The following ST6GALNAC1 variants were observed in gnomAD, a reference collection of about 807,000 sequenced individuals.
ST6GALNAC1 encodes the protein alpha-N-acetylgalactosaminide alpha-2,6-sialyltransferase 1.
ST6GALNAC1 carries 45 observed loss-of-function variants against 56.8 expected under a neutral mutation model. The ratio of observed to expected loss-of-function variants is 0.79; its 90% CI spans 0.62 to 1.02. The LOEUF (loss-of-function observed/expected upper bound fraction) is 1.02, where lower values mean the gene tolerates loss of function less well. Ranked by LOEUF, ST6GALNAC1 falls within the 50% of genes least tolerant of loss-of-function variation. The pLI, the probability that ST6GALNAC1 is intolerant of heterozygous loss-of-function variation, is 0.00. For missense variants in ST6GALNAC1, 743 were observed against 754.8 expected (o/e 0.98, Z 0.18); for synonymous variants, 295 against 297.8 (o/e 0.99, Z 0.10).
rs1237012048 is a variant in ST6GALNAC1 at position 76,629,214 on chromosome 17, A to G, written c.629T>C (p.Val210Ala). The G allele has an allele frequency of 1.9e-6, 3 of 1,614,090 alleles. No individual in the cohort carries two copies. Among genetic ancestry groups the G allele is most frequent in the East Asian group, 2.2e-5 (1 of 44,874 alleles). Reference sequence around the variant, plus strand: ...TCCTTTCTGTCTCGTCCTTGTTGACACTGCTCCTGTGGGAGCCAGCATTCT... The same window carrying G: ...TCCTTTCTGTCTCGTCCTTGTTGACGCTGCTCCTGTGGGAGCCAGCATTCT... ...QHRMLAPTGA[V>A]STRTRQKGVT... The change falls in exon 2 of 9, where the codon GTG becomes GCG. Residue 210 changes from valine to alanine, a missense_variant. Physicochemically the swap from Val to Ala is moderately conservative, Grantham distance 64. Coordinates refer to ENST00000156626, the MANE Select transcript of ST6GALNAC1 (RefSeq NM_018414.5).
intron 1 of ST6GALNAC1, among the ~76,000 whole-genome samples, chr17:76,640,969 T>C (rs1005996504): frequency 6.6e-6 from 1 of 152,230 alleles, no homozygotes; most frequent in African/African-American, 2.4e-5. Context: ...TGGAATCCTT[T>C]AAAAATTAAT....
intron 1 of ST6GALNAC1, among the ~76,000 whole-genome samples, 191 bp from the exon 2 acceptor site, chr17:76,629,902 C>T (rs1249138134): frequency 6.6e-6 from 1 of 151,724 alleles, no homozygotes; most frequent in Non-Finnish European, 1.5e-5. Flanking sequence ...CCTGCCCCAC[C>T]CCCCTGAGTA....
chr17:76,625,816 T>C lies in ST6GALNAC1; in HGVS notation c.1605+3A>G. The C allele has an allele frequency of 1.3e-6, 2 of 1,530,870 alleles. No homozygotes were observed. Among genetic ancestry groups the C allele is most frequent in the Non-Finnish European group, 1.7e-6 (2 of 1,143,790 alleles). 94.8% of individuals were successfully genotyped at this position (1,530,870 alleles called of 1,614,324 possible). On this transcript the variant is annotated splice_donor_region_variant and intron_variant, in intron 8 of 8. Coordinates refer to ENST00000156626, the MANE Select transcript of ST6GALNAC1 (RefSeq NM_018414.5). ...TATTTCTGCAGCTGCAGTGGAGCCT[T>C]ACCTGGTCACAGAGCTGAAGGGCAG... is the stretch of plus-strand genomic sequence containing the variant.
At chr17:76,634,969 A>G (rs986583514) in intron 1 of ST6GALNAC1, among the ~76,000 whole-genome samples, 4 of 152,192 alleles carry the variant, frequency 2.6e-5, no homozygotes, top group African/African-American at 9.7e-5. Flanking sequence ...TGAATGCTTT[A>G]TTTTTACGAC....
chr17:76,637,232 C>A (rs533851515), intron 1 of ST6GALNAC1, among the ~76,000 whole-genome samples: 3 of 145,970 alleles, frequency 2.1e-5, no homozygotes, highest in Admixed American at 6.9e-5. Flanking sequence ...CCTGCCAAAT[C>A]CCCCTCTCCG....
At chr17:76,631,072 T>TGTGTGTGTGTGG (rs2075889900) in intron 1 of ST6GALNAC1, among the ~76,000 whole-genome samples, 1 of 48,248 alleles carries the variant, frequency 2.1e-5, no homozygotes, top group African/African-American at 1.1e-4. Flanking sequence ...TCTCTGTGTG[T>TGTGTGTGTGTGG]GTGTGTGTGT....
At chr17:76,624,306 A>G (rs997714740), downstream of ST6GALNAC1, among the ~76,000 whole-genome samples, 2 of 151,788 alleles carry the variant, frequency 1.3e-5, no homozygotes, top group African/African-American at 4.8e-5. Flanking sequence ...GCTGGAGTGC[A>G]GTGGTGTAAT....
Position 76,634,451 on chromosome 17 carries a change from G to A in ST6GALNAC1, c.132-4740C>T, listed in dbSNP as rs971122748. ...TCCTGTGCCCCACATTGTTAGCTGGGCCTGGAGTTCCCAAGACCCCCTTGG... is the reference window on the plus strand; with the variant it reads ...TCCTGTGCCCCACATTGTTAGCTGGACCTGGAGTTCCCAAGACCCCCTTGG... On this transcript the variant is annotated intron_variant, in intron 1 of 8. Transcript: ENST00000156626. Among the ~76,000 whole-genome samples, 7 of 152,116 alleles carry A rather than the reference G, an allele frequency of 4.6e-5. No individual in the cohort carries two copies. In the South Asian group the frequency reaches 1.4e-3, roughly 31 times the overall value.
In ST6GALNAC1 at chr17:76,625,268, A is replaced by G; in HGVS notation, c.*62T>C. ...CATGGGAAATGGCCAAAGAGTCTCA[A>G]GATTCCCACTGTATCCTGTGCCTTG... On this transcript the variant is annotated 3_prime_UTR_variant, in exon 9 of 9. Transcript: ENST00000156626. The G allele has an allele frequency of 6.4e-7, 1 of 1,558,318 alleles. No homozygotes were observed.
chr17:76,632,156 C>G lies in ST6GALNAC1; in HGVS notation c.132-2445G>C, dbSNP rs376363465. On this transcript the variant is annotated intron_variant, in intron 1 of 8. Coordinates refer to ENST00000156626, the MANE Select transcript of ST6GALNAC1 (RefSeq NM_018414.5). The stretch of plus-strand genomic sequence containing the variant: ...AGCCTCTTGGTGGATTCACCCTGAC[C>G]TCCACTTCCCAACCCCCAGCCTCAA... Among the ~76,000 whole-genome samples, 8 of 152,258 alleles carry G rather than the reference C, an allele frequency of 5.3e-5. No individual in the cohort carries two copies. The East Asian group carries it at 1.2e-3, about 22-fold the overall frequency.
In ST6GALNAC1 at chr17:76,625,352, C is replaced by T; in HGVS notation, c.1781G>A (p.Gly594Glu). ...IIRLYQRPGP[G>E]TAKAKN The stretch of plus-strand genomic sequence containing the variant: ...CGGTCAGTTCTTGGCTTTGGCAGTT[C>T]CGGGACCAGGACGCTGGTACAGCCG... Residue 594 changes from glycine to glutamate, a missense_variant, in exon 9 of 9, where the codon GGA (glycine) becomes GAA (glutamate). By Grantham distance (98) the Gly-to-Glu change is moderately conservative (BLOSUM62 -2). Transcript: ENST00000156626. 1 of 1,613,540 alleles carries T rather than the reference C, an allele frequency of 6.2e-7. No homozygotes were observed. Among genetic ancestry groups the T allele is most frequent in the South Asian group, 1.1e-5 (1 of 91,044 alleles).
chr17:76,620,818 C>G (rs940034958), downstream of ST6GALNAC1, among the ~76,000 whole-genome samples: 4 of 152,046 alleles, frequency 2.6e-5, no homozygotes, highest in Admixed American at 1.3e-4. Context: ...TGGTCTTGAA[C>G]TCCTAACCCC....
Position 76,635,997 on chromosome 17 carries a change from T to G in ST6GALNAC1, c.132-6286A>C, listed in dbSNP as rs143803463. ...TTACCTAAGCTGAGTCTTTTTCTCC[T>G]GAGTCTTCAGAAGTGAACTTTTATG... On this transcript the variant is annotated intron_variant, in intron 1 of 8. Transcript: ENST00000156626. 3.1e-3 allele frequency among the ~76,000 whole-genome samples: 471 copies of G among 152,322 alleles called. 3 individuals carry two copies. The highest frequency in any genetic ancestry group is 0.011 in the African/African-American group (450 of 41,566).
At chr17:76,617,781 A>G in the ST6GALNAC1 span, among the ~76,000 whole-genome samples, 358 of 152,180 alleles carry the variant, frequency 2.4e-3, 3 homozygotes, top group Middle Eastern at 6.8e-3. Context: ...AAAAAAAAAA[A>G]AAAGAAAGAA....
Position 76,625,358 on chromosome 17 carries a change from C to T in ST6GALNAC1, c.1775G>A (p.Gly592Asp). The T allele has an allele frequency of 9.9e-6, 16 of 1,613,736 alleles. No homozygotes were observed. The highest frequency in any genetic ancestry group is 1.4e-5 in the Non-Finnish European group (16 of 1,180,014). ...GTTCTTGGCTTTGGCAGTTCCGGGA[C>T]CAGGACGCTGGTACAGCCGGATTAT... is the stretch of plus-strand genomic sequence containing the variant. ...EGIIRLYQRP[G>D]PGTAKAKN The change falls in exon 9 of 9, where the codon GGT becomes GAT. Residue 592 changes from glycine (G) to aspartate (D), a missense_variant. Transcript: ENST00000156626.
chr17:76,632,670 A>G (rs1018755059), intron 1 of ST6GALNAC1, among the ~76,000 whole-genome samples: 2 of 152,208 alleles, frequency 1.3e-5, no homozygotes, highest in East Asian at 1.9e-4. Flanking sequence ...TCTCATGCAC[A>G]GTATTTACTA....
chr17:76,626,305 T>C lies in ST6GALNAC1; in HGVS notation c.1399A>G (p.Asn467Asp). 1.2e-6 allele frequency: 2 copies of C among 1,614,122 alleles called. No homozygotes were observed. Among genetic ancestry groups the C allele is most frequent in the East Asian group, 4.5e-5 (2 of 44,884 alleles). Residue 467 changes from asparagine to aspartate, a missense_variant, in exon 6 of 9, where the codon AAC (asparagine) becomes GAC (aspartate). Physicochemically the swap from Asn to Asp is conservative, Grantham distance 23. Coordinates refer to ENST00000156626, the MANE Select transcript of ST6GALNAC1 (RefSeq NM_018414.5). ...LLMNQTVMSK[N>D]LFWFRHRPQE... ...AGTGGGTACCTGAACCAGAAAAGGT[T>C]TTTTGACATCACCGTCTGATTCATA...
At chr17:76,642,599 T>A (rs1358814314) in intron 1 of ST6GALNAC1, among the ~76,000 whole-genome samples, 1 of 152,098 alleles carries the variant, frequency 6.6e-6, no homozygotes, top group African/African-American at 2.4e-5. Context: ...TTTAACTCTA[T>A]GAGAACCTGC....
At chr17:76,620,932 C>T (rs2075733659), downstream of ST6GALNAC1, among the ~76,000 whole-genome samples, 1 of 152,032 alleles carries the variant, frequency 6.6e-6, no homozygotes, top group Non-Finnish European at 1.5e-5. Context: ...GGCATAAGTA[C>T]TGTTGAATTA....
Sources: gnomAD v4.1 joint callset for allele counts (sites outside exome capture counted in the v4.1 genomes callset) on GRCh38, gnomAD v4.1.1 for gene constraint, MANE v1.5 for transcripts, NCBI Gene and HGNC (gene_info 2026-07-23, HGNC 2026-07-21) for gene names.